The following TTLL5 variants were observed in gnomAD, a reference collection of about 807,000 sequenced individuals.
TTLL5 encodes tubulin tyrosine ligase like 5.
A neutral mutation model predicts 168.4 loss-of-function variants in TTLL5; 132 were observed. That is an observed-to-expected ratio of 0.78 (90% confidence interval 0.68 to 0.91). The LOEUF (loss-of-function observed/expected upper bound fraction) is 0.91, where lower values mean the gene tolerates loss of function less well. Ranked by LOEUF, TTLL5 falls within the 40% of genes least tolerant of loss-of-function variation. The probability of loss-of-function intolerance (pLI) is 0.00; values close to 1 mark genes in which losing one functional copy is unlikely to be tolerated. For synonymous variants in TTLL5, 546 were observed against 558.6 expected, an observed-to-expected ratio of 0.98 and a Z score of 0.32; for missense variants, 1,545 against 1,581.5, an observed-to-expected ratio of 0.98 and a Z score of 0.39.
chr14:75,782,201 A>G (rs1377764625), intron 24 of TTLL5, among the ~76,000 whole-genome samples: 1 of 151,924 alleles, frequency 6.6e-6, no homozygotes, highest in East Asian at 1.9e-4. Flanking sequence ...TTTTCCAGAT[A>G]AGCCCTAGCT....
At chr14:75,913,737 A>C (rs1425100240) in intron 31 of TTLL5, among the ~76,000 whole-genome samples, 2 of 151,956 alleles carry the variant, frequency 1.3e-5, no homozygotes, top group African/African-American at 4.8e-5. Flanking sequence ...TCTTAGGCCA[A>C]GCTCAGTGGC....
At chr14:75,874,956 C>T (rs1457780757) in intron 29 of TTLL5, among the ~76,000 whole-genome samples, 5 of 6,726 alleles carry the variant, frequency 7.4e-4, no homozygotes, top group East Asian at 7.2e-3. Context: ...TTTTTTGAGA[C>T]GGAGTCTCAC....
At chr14:75,707,168 A>G in intron 8 of TTLL5, 81 bp downstream of exon 8, 1 of 1,086,526 alleles carries the variant, frequency 9.2e-7, no homozygotes. Flanking sequence ...TTCTCTAGTA[A>G]GTCTTTATTA....
At chr14:75,914,033 A>AAAAAAAAAAAAAAAAAAATATATATAT in intron 31 of TTLL5, among the ~76,000 whole-genome samples, 1 of 71,102 alleles carries the variant, frequency 1.4e-5, no homozygotes, top group East Asian at 4.4e-4. Flanking sequence ...AAAAAAAAAA[A>AAAAAAAAAAAAAAAAAAATATATATAT]ATATATATAT....
chr14:75,720,760 C>A, intron 12 of TTLL5, 57 bp downstream of exon 12: 1 of 1,463,732 alleles, frequency 6.8e-7, no homozygotes, highest in Non-Finnish European at 9.6e-7. Flanking sequence ...GGAAGTTGGA[C>A]GGGATTTTAG....
chr14:75,729,249 G>C (rs963877371), intron 12 of TTLL5, among the ~76,000 whole-genome samples: 122 of 152,240 alleles, frequency 8.0e-4, no homozygotes, highest in Non-Finnish European at 1.9e-4. Context: ...TCTCAGAACT[G>C]GAAAAGCCCA....
chr14:75,768,244 T>C (rs1891078237), intron 20 of TTLL5, among the ~76,000 whole-genome samples: 1 of 152,076 alleles, frequency 6.6e-6, no homozygotes, highest in Non-Finnish European at 1.5e-5. Context: ...AGACATAAGA[T>C]CAGGAAGGAG....
At chr14:75,810,965 C>T (rs1893960195) in intron 27 of TTLL5, among the ~76,000 whole-genome samples, 1 of 152,104 alleles carries the variant, frequency 6.6e-6, no homozygotes, top group East Asian at 1.9e-4. Context: ...TTTTATTTCC[C>T]TGAATTCTAA....
chr14:75,871,444 T>C (rs2031026052), intron 29 of TTLL5, among the ~76,000 whole-genome samples: 1 of 152,100 alleles, frequency 6.6e-6, no homozygotes, highest in Admixed American at 6.6e-5. Flanking sequence ...CACTCTACCG[T>C]CCTCCCCCAC....
intron 28 of TTLL5, among the ~76,000 whole-genome samples, chr14:75,847,965 T>C (rs530946825): frequency 6.3e-5 from 6 of 94,764 alleles, no homozygotes; most frequent in African/African-American, 2.0e-4. Flanking sequence ...TTTCTTCCCT[T>C]TGGTGCTGTT....
rs771853623 is a variant in TTLL5, at chr14:75,776,846, G to A, written c.2383G>A (p.Ala795Thr). The A allele has an allele frequency of 4.3e-6, 7 of 1,611,446 alleles. No homozygotes were observed. The African/African-American group carries it at 8.0e-5, about 18-fold the overall frequency. The change falls in exon 23 of 32, where the codon GCA becomes ACA. Residue 795 changes from alanine to threonine, a missense_variant. Coordinates refer to ENST00000298832, the MANE Select transcript of TTLL5 (RefSeq NM_015072.5). ...AAACTTTCAGGAGTTCATCAGACAA[G>A]CAAGGTAGTAGACATTCTTGATTGA... ...MENFQEFIRQASEAELEEVLT... is the reference protein window; with the variant it reads ...MENFQEFIRQTSEAELEEVLT...
At chr14:75,739,271 T>C (rs1449781185) in intron 15 of TTLL5, among the ~76,000 whole-genome samples, 2 of 152,224 alleles carry the variant, frequency 1.3e-5, no homozygotes, top group Non-Finnish European at 2.9e-5. Flanking sequence ...ATAAAGCCTT[T>C]CTGGCTTTAT....
intron 6 of TTLL5, among the ~76,000 whole-genome samples, 190 bp downstream of exon 6, chr14:75,690,512 C>A (rs1025983186): frequency 3.3e-5 from 5 of 152,126 alleles, no homozygotes; most frequent in African/African-American, 1.2e-4. Context: ...GTAAACTTGT[C>A]AGTATCATTT....
intron 15 of TTLL5, among the ~76,000 whole-genome samples, chr14:75,736,625 G>T (rs1370853081): frequency 6.6e-6 from 1 of 152,164 alleles, no homozygotes; most frequent in Non-Finnish European, 1.5e-5. Context: ...ATTGTCAAGA[G>T]AAATCAGAAA....
intron 16 of TTLL5, 112 bp downstream of exon 16, chr14:75,745,320 G>T (rs902443718): frequency 3.2e-6 from 4 of 1,241,406 alleles, no homozygotes; most frequent in Non-Finnish European, 4.6e-6. Context: ...AAAAGAGAAA[G>T]ATTCAAGATT....
intron 13 of TTLL5, among the ~76,000 whole-genome samples, chr14:75,733,411 A>G (rs781066459): frequency 5.3e-5 from 8 of 150,874 alleles, no homozygotes; most frequent in Non-Finnish European, 1.2e-4. Flanking sequence ...TTTTGTTTTC[A>G]TGTGGGTTCC....
At chr14:75,940,908 CTTG>C (rs1373245312) in intron 31 of TTLL5, among the ~76,000 whole-genome samples, 3 of 152,108 alleles carry the variant, frequency 2.0e-5, no homozygotes, top group Admixed American at 2.0e-4. Flanking sequence ...AAGAATTAGG[CTTG>C]TTGTATTAAT....
intron 26 of TTLL5, among the ~76,000 whole-genome samples, chr14:75,787,204 G>T (rs2140339275): frequency 6.6e-6 from 1 of 152,072 alleles, no homozygotes; most frequent in South Asian, 2.1e-4. Flanking sequence ...ACATAAATAG[G>T]TTAAACTTGA....
intron 31 of TTLL5, chr14:75,930,731 G>A: frequency 1.4e-6 from 1 of 713,618 alleles, no homozygotes; most frequent in Non-Finnish European, 1.7e-6. Flanking sequence ...ATTTCACCTG[G>A]TATAAATATT....
Sources: allele counts gnomAD v4.1 joint callset (sites outside exome capture counted in the v4.1 genomes callset), GRCh38; gene constraint gnomAD v4.1.1; transcripts MANE v1.5; gene names NCBI Gene and HGNC (gene_info 2026-07-23, HGNC 2026-07-21).